Variants in GAS2 observed in about 807,000 individuals in gnomAD.
GAS2 encodes growth arrest-specific protein 2.
GAS2 carries 20 observed loss-of-function variants against 37.5 expected under a neutral mutation model. That is an observed-to-expected ratio of 0.53 (90% CI 0.37 to 0.77). GAS2 has a LOEUF of 0.77. Ranked by LOEUF, GAS2 falls within the 30% of genes least tolerant of loss-of-function variation. The pLI, the probability that GAS2 is intolerant of heterozygous loss-of-function variation, is 0.00. For synonymous variants in GAS2, 144 were observed against 132.2 expected (o/e 1.09, Z -0.61); for missense variants, 336 against 373.4 (o/e 0.90, Z 0.82).
intron 2 of GAS2, among the ~76,000 whole-genome samples, chr11:22,684,895 A>G (rs1039257301): frequency 1.3e-5 from 2 of 152,224 alleles, no homozygotes; most frequent in African/African-American, 4.8e-5. Context: ...AATCAGGAAA[A>G]CCATTTCAAT....
At chr11:22,641,875 A>G (rs534353258) in intron 1 of GAS2, among the ~76,000 whole-genome samples, 3 of 152,318 alleles carry the variant, frequency 2.0e-5, no homozygotes, top group Admixed American at 2.0e-4. Context: ...ACTGTTGCAG[A>G]TCTATGACAA....
chr11:22,803,225 C>T (rs1856744842), intron 7 of GAS2, among the ~76,000 whole-genome samples: 1 of 152,080 alleles, frequency 6.6e-6, no homozygotes, highest in South Asian at 2.1e-4. Context: ...GAAATCAAAG[C>T]CCCTTCTTAC....
chr11:22,667,042 G>T (rs1280466924), intron 1 of GAS2, 143 bp downstream of exon 1: 1 of 152,262 alleles, frequency 6.6e-6, no homozygotes, highest in Non-Finnish European at 1.5e-5. Flanking sequence ...ATAACCTCAG[G>T]AACGAGGCGG....
chr11:22,708,043 T>A (rs1408796046), intron 3 of GAS2, among the ~76,000 whole-genome samples: 1 of 151,794 alleles, frequency 6.6e-6, no homozygotes, highest in Non-Finnish European at 1.5e-5. Context: ...TTCAGGGTAA[T>A]TGAAGAGATA....
At chr11:22,751,440 C>A (rs1040577175) in intron 6 of GAS2, among the ~76,000 whole-genome samples, 10 of 151,932 alleles carry the variant, frequency 6.6e-5, no homozygotes, top group Admixed American at 4.6e-4. Flanking sequence ...GTATAAATGT[C>A]CTTTCATCTC....
At chr11:22,802,728 C>G (rs549790297) in intron 7 of GAS2, among the ~76,000 whole-genome samples, 18 of 152,072 alleles carry the variant, frequency 1.2e-4, no homozygotes, top group African/African-American at 3.6e-4. Context: ...AGAAAAATAA[C>G]AAACACCAAC....
intron 7 of GAS2, among the ~76,000 whole-genome samples, chr11:22,784,191 A>G (rs1855715206): frequency 6.6e-6 from 1 of 152,140 alleles, no homozygotes; most frequent in African/African-American, 2.4e-5. Flanking sequence ...TGGTAGTTTG[A>G]TAGGAATAGT....
intron 1 of GAS2, among the ~76,000 whole-genome samples, chr11:22,631,009 A>G (rs368917786): frequency 6.6e-6 from 1 of 152,102 alleles, no homozygotes; most frequent in South Asian, 2.1e-4. Context: ...TGTGTCATCT[A>G]TGATATCTTT....
At chr11:22,657,116 C>CT (rs1170778099) in intron 1 of GAS2, among the ~76,000 whole-genome samples, 3 of 152,132 alleles carry the variant, frequency 2.0e-5, no homozygotes, top group African/African-American at 7.2e-5. Context: ...AGTGGTCAGT[C>CT]TAAAAACAGA....
chr11:22,735,732 C>G (rs1032326504), intron 4 of GAS2, among the ~76,000 whole-genome samples: 1 of 151,760 alleles, frequency 6.6e-6, no homozygotes, highest in Non-Finnish European at 1.5e-5. Flanking sequence ...GGTTAAAGAA[C>G]CATTATTATC....
chr11:22,763,610 TACACATACACAC>T (rs1464145292), intron 7 of GAS2, among the ~76,000 whole-genome samples: 2 of 84,528 alleles, frequency 2.4e-5, no homozygotes, highest in South Asian at 4.7e-4. Context: ...TTTAAAAAAA[TACACATACACAC>T]ACACACACAC....
chr11:22,757,274 A>G (rs969727435), intron 7 of GAS2, among the ~76,000 whole-genome samples: 3 of 152,256 alleles, frequency 2.0e-5, no homozygotes, highest in African/African-American at 7.2e-5. Flanking sequence ...TTTAATGTCC[A>G]CATTTGTGAA....
chr11:22,716,815 A>G (rs1851703527), intron 3 of GAS2, among the ~76,000 whole-genome samples: 1 of 152,182 alleles, frequency 6.6e-6, no homozygotes, highest in Non-Finnish European at 1.5e-5. Flanking sequence ...ATACAAAATC[A>G]AGGTACACAA....
intron 3 of GAS2, chr11:22,702,731 G>T (rs1484168448): frequency 1.3e-5 from 2 of 152,196 alleles, no homozygotes; most frequent in East Asian, 1.9e-4. Context: ...ACATATTGGG[G>T]TATGCTCCTA....
At chr11:22,739,349 T>C (rs10766963) in intron 5 of GAS2, among the ~76,000 whole-genome samples, 140,595 of 151,822 alleles carry the variant, frequency 0.93, 66,051 homozygotes, top group East Asian at 1. Flanking sequence ...CCGAGGCGGG[T>C]GGATCACGAG....
At chr11:22,803,754 A>T (rs1158674851) in intron 7 of GAS2, among the ~76,000 whole-genome samples, 2 of 152,164 alleles carry the variant, frequency 1.3e-5, no homozygotes, top group Non-Finnish European at 2.9e-5. Context: ...CATATATGAG[A>T]TTCCAAAAAT....
upstream of GAS2, among the ~76,000 whole-genome samples, chr11:22,664,671 C>G (rs545081509): frequency 1.3e-5 from 2 of 152,088 alleles, no homozygotes; most frequent in East Asian, 3.9e-4. Context: ...TGGGTTGAGT[C>G]CACACTAAAC....
intron 4 of GAS2, 66 bp downstream of exon 4, chr11:22,726,499 A>C: frequency 6.8e-7 from 1 of 1,460,106 alleles, no homozygotes; most frequent in Non-Finnish European, 9.4e-7. Context: ...TTGTCAGTAT[A>C]GCCATCAAAA....
intron 7 of GAS2, among the ~76,000 whole-genome samples, chr11:22,773,691 T>C (rs1037704206): frequency 1.3e-5 from 2 of 152,166 alleles, no homozygotes; most frequent in Non-Finnish European, 2.9e-5. Flanking sequence ...TGGGGCTTAT[T>C]TGCTATGAAA....
Sources: gnomAD v4.1 joint callset for allele counts (sites outside exome capture counted in the v4.1 genomes callset) on GRCh38, gnomAD v4.1.1 for gene constraint, MANE v1.5 for transcripts, NCBI Gene and HGNC (gene_info 2026-07-23, HGNC 2026-07-21) for gene names.